ENG: variants seen among roughly 807,000 people sequenced by gnomAD.
ENG encodes the protein CD105 antigen.
In ENG, 17 loss-of-function variants were observed where a neutral mutation model predicts 71.0. The ratio of observed to expected loss-of-function variants is 0.24; its 90% confidence interval spans 0.16 to 0.36. The LOEUF is 0.36. Among genes scored for constraint, ENG ranks in the 10% least tolerant of loss-of-function variants. ENG has a pLI of 1.00. For synonymous variants in ENG, 360 were observed against 366.9 expected (o/e 0.98, Z 0.21); for missense variants, 749 against 868.3 (o/e 0.86, Z 1.73).
chr9:127,839,089 C>G (rs1830969581), intron 2 of ENG, among the ~76,000 whole-genome samples: 1 of 152,306 alleles, frequency 6.6e-6, no homozygotes, highest in South Asian at 2.1e-4. Context: ...CTGGAATGCC[C>G]TCTACCCTGC....
At chr9:127,825,636 G>GT (rs1830593166) in intron 5 of ENG, 59 bp downstream of exon 5, 2 of 1,338,964 alleles carry the variant, frequency 1.5e-6, no homozygotes, top group Non-Finnish European at 2.0e-6. Flanking sequence ...GGCGGGGGGG[G>GT]TCAGGGGGGT....
chr9:127,853,464 T>C (rs556265488), intron 1 of ENG, among the ~76,000 whole-genome samples: 1 of 152,152 alleles, frequency 6.6e-6, no homozygotes, highest in South Asian at 2.1e-4. Flanking sequence ...GGTCCCTTGC[T>C]CCTCACCGCC....
At chr9:127,842,780 T>C (rs1348032124) in intron 2 of ENG, among the ~76,000 whole-genome samples, 1 of 152,188 alleles carries the variant, frequency 6.6e-6, no homozygotes, top group Admixed American at 6.5e-5. Context: ...CTTCTGAGAT[T>C]CTGTGAGGTC....
At chr9:127,818,033 A>T in intron 12 of ENG, 87 bp downstream of exon 12, 3 of 1,601,792 alleles carry the variant, frequency 1.9e-6, no homozygotes, top group Non-Finnish European at 2.6e-6. Context: ...CTGGCCCCAC[A>T]TCCCTGTGGG....
chr9:127,830,382 C>T (rs528529011), intron 2 of ENG, among the ~76,000 whole-genome samples: 1 of 147,074 alleles, frequency 6.8e-6, no homozygotes, highest in African/African-American at 2.5e-5. Flanking sequence ...GTGGTTCACA[C>T]CTGTAATCCC....
chr9:127,828,967 G>C (rs558914947), intron 3 of ENG, among the ~76,000 whole-genome samples: 1 of 151,984 alleles, frequency 6.6e-6, no homozygotes, highest in Non-Finnish European at 1.5e-5. Context: ...ATTCCTCATG[G>C]AGGAGGCAGT....
In ENG at chr9:127,815,651, T is replaced by A. The variant is rs1395851368; in HGVS notation, c.*31A>T. The A allele has an allele frequency of 2.6e-6, 4 of 1,544,880 alleles. No individual in the cohort carries two copies. Among genetic ancestry groups the A allele is most frequent in the African/African-American group, 1.4e-5 (1 of 73,490 alleles). On this transcript the variant is annotated 3_prime_UTR_variant, in exon 15 of 15. Transcript: ENST00000373203. ...GCTCCCAGCTGGCGGCTGCTCAGTC[T>A]CTCCTGCTGGGCGAGCGCGGGGGGC...
chr9:127,827,906 CT>C (rs1170621799), intron 3 of ENG, among the ~76,000 whole-genome samples: 1 of 151,080 alleles, frequency 6.6e-6, no homozygotes, highest in Non-Finnish European at 1.5e-5. Context: ...GTAATCCCAG[CT>C]ACTCGGGAGG....
chr9:127,834,656 G>A (rs993022407), intron 2 of ENG, among the ~76,000 whole-genome samples: 4 of 151,854 alleles, frequency 2.6e-5, no homozygotes, highest in African/African-American at 9.7e-5. Context: ...CTACGCCTCA[G>A]CCTCCCAAAG....
In ENG at chr9:127,853,981, G is replaced by A. The variant is rs531837540; in HGVS notation, c.67+308C>T. On this transcript the variant is annotated intron_variant, in intron 1 of 14. Transcript: ENST00000373203. ...CCCAGAGAGGCCAGGAAACTCTCCC[G>A]TCGCTGCACAGCATTCTGGGACCTA... 3.8e-4 allele frequency among the ~76,000 whole-genome samples: 58 copies of A among 152,364 alleles called. 1 individual carries two copies. The highest frequency in any genetic ancestry group is 1.1e-3 in the African/African-American group (46 of 41,590).
intron 8 of ENG, among the ~76,000 whole-genome samples, chr9:127,820,783 C>T (rs1179770137): frequency 6.6e-6 from 1 of 151,344 alleles, no homozygotes; most frequent in African/African-American, 2.4e-5. Context: ...GAGCCGAGAT[C>T]GCACCATTGC....
At chr9:127,829,591 G>T in intron 3 of ENG, 96 bp downstream of exon 3, 1 of 1,515,542 alleles carries the variant, frequency 6.6e-7, no homozygotes. Flanking sequence ...AAGCAGGGCT[G>T]GGCCGCTGGG....
At chr9:127,850,619 G>C (rs1002119869) in intron 1 of ENG, among the ~76,000 whole-genome samples, 2 of 152,166 alleles carry the variant, frequency 1.3e-5, no homozygotes, top group Non-Finnish European at 2.9e-5. Context: ...TTGTGGTCTC[G>C]CTCTTGCGCC....
At chr9:127,834,300 C>T (rs190797376) in intron 2 of ENG, among the ~76,000 whole-genome samples, 16 of 150,384 alleles carry the variant, frequency 1.1e-4, no homozygotes, top group East Asian at 5.9e-4. Flanking sequence ...TAGAGTGCAG[C>T]GATCTCTGCT....
At chr9:127,817,364 G>A (rs1225236170) in intron 12 of ENG, 161 bp from the exon 13 acceptor site, 12 of 743,524 alleles carry the variant, frequency 1.6e-5, no homozygotes, top group Non-Finnish European at 2.8e-5. Context: ...GAAGATCTGT[G>A]CTGTGGGAGG....
chr9:127,842,492 C>A (rs1013049703), intron 2 of ENG, among the ~76,000 whole-genome samples: 1 of 151,758 alleles, frequency 6.6e-6, no homozygotes, highest in Admixed American at 6.6e-5. Flanking sequence ...GGCACAATCT[C>A]AAGCTCACTG....
Position 127,815,650 on chromosome 9 carries a change from C to T in ENG, c.*32G>A, listed in dbSNP as rs1458457347. 6.5e-7 allele frequency: 1 copy of T among 1,544,182 alleles called. No homozygotes were observed. The highest frequency in any genetic ancestry group is 2.4e-5 in the East Asian group (1 of 41,702). On this transcript the variant is annotated 3_prime_UTR_variant, in exon 15 of 15. Coordinates refer to ENST00000373203, the MANE Select transcript of ENG (RefSeq NM_001114753.3). Reference sequence around the variant, plus strand: ...TGCTCCCAGCTGGCGGCTGCTCAGTCTCTCCTGCTGGGCGAGCGCGGGGGG... The same window carrying T: ...TGCTCCCAGCTGGCGGCTGCTCAGTTTCTCCTGCTGGGCGAGCGCGGGGGG...
In ENG at chr9:127,829,746, C is replaced by T. The variant is rs1341895793; in HGVS notation, c.301G>A (p.Val101Ile). The change falls in exon 3 of 15, where the codon GTA (valine) becomes ATA (isoleucine). Residue 101 changes from valine (V) to isoleucine (I), a missense_variant. Physicochemically the swap from Val to Ile is conservative, Grantham distance 29. Coordinates refer to ENST00000373203, the MANE Select transcript of ENG (RefSeq NM_001114753.3). Reference protein sequence around the residue: ...WPREVLLVLSVNSSVFLHLQA... With the variant: ...WPREVLLVLSINSSVFLHLQA... ...AGATGCAGGAAGACACTGCTGTTTA[C>T]ACTGAGGACCAGAAGCACCTCTCGG... 3 of 1,614,194 alleles carry T rather than the reference C, an allele frequency of 1.9e-6. No individual in the cohort carries two copies. The highest frequency in any genetic ancestry group is 2.5e-6 in the Non-Finnish European group (3 of 1,180,028).
intron 3 of ENG, 120 bp from the exon 4 acceptor site, chr9:127,826,792 G>A (rs1830629559): frequency 6.1e-6 from 8 of 1,311,398 alleles, no homozygotes; most frequent in Non-Finnish European, 8.4e-6. Context: ...AGAGGCCGGA[G>A]CTGAGAATGC....
Sources: allele counts gnomAD v4.1 joint callset (sites outside exome capture counted in the v4.1 genomes callset), GRCh38; gene constraint gnomAD v4.1.1; transcripts MANE v1.5; gene names NCBI Gene and HGNC (gene_info 2026-07-23, HGNC 2026-07-21).